PROM1: variants seen among roughly 807,000 people sequenced by gnomAD.
The protein encoded by PROM1 is prominin 1, also known as prominin-1.
Under a neutral mutation model 116.9 loss-of-function variants are expected in PROM1, and 105 were observed. That is an observed-to-expected ratio of 0.90 (90% CI 0.77 to 1.06). PROM1 has a LOEUF of 1.06. Ranked by LOEUF, PROM1 falls within the 50% of genes least tolerant of loss-of-function variation. PROM1 has a pLI of 0.00. For synonymous variants in PROM1, 393 were observed against 387.0 expected, an observed-to-expected ratio of 1.02 and a Z score of -0.18; for missense variants, 1,122 against 1,045.2, an observed-to-expected ratio of 1.07 and a Z score of -1.01.
chr4:15,985,596 T>C (rs942934508), intron 22 of PROM1, 164 bp downstream of exon 22: 36 of 648,466 alleles, frequency 5.6e-5, no homozygotes, highest in Non-Finnish European at 8.3e-5. Flanking sequence ...TCCTCTGACC[T>C]GGTGGGAAGC....
chr4:16,000,795 C>A (rs1723600433), intron 13 of PROM1, among the ~76,000 whole-genome samples, 176 bp from the exon 14 acceptor site: 1 of 151,838 alleles, frequency 6.6e-6, no homozygotes, highest in African/African-American at 2.4e-5. Flanking sequence ...AGAGGGGCAG[C>A]TCCAGGACAG....
intron 10 of PROM1, 35 bp from the exon 11 acceptor site, chr4:16,013,373 G>C: frequency 1.3e-6 from 2 of 1,501,936 alleles, no homozygotes; most frequent in Non-Finnish European, 1.9e-6. Context: ...GATGTACACA[G>C]TTAAGTCAAA....
chr4:16,025,465 C>A (rs1423698356), intron 5 of PROM1, among the ~76,000 whole-genome samples, 153 bp from the exon 6 acceptor site: 1 of 152,188 alleles, frequency 6.6e-6, no homozygotes, highest in African/African-American at 2.4e-5. Context: ...TCCTTCCCAC[C>A]GCCATCCCAC....
At position 16,040,945 on chromosome 4, in the gene PROM1, C is replaced by A. The variant is rs141993380; in HGVS notation, c.221-1944G>T. On this transcript the variant is annotated intron_variant, in intron 2 of 27. Coordinates refer to ENST00000447510, the MANE Select transcript of PROM1 (RefSeq NM_006017.3). ...AAACAAAATGAAAAACTTTGGATTTCTTCTGGGGAACTGCTTCTTCCATCC... is the reference window on the plus strand; with the variant it reads ...AAACAAAATGAAAAACTTTGGATTTATTCTGGGGAACTGCTTCTTCCATCC... Among the ~76,000 whole-genome samples, 374 of 152,146 alleles carry A rather than the reference C, an allele frequency of 2.5e-3. 2 individuals carry two copies. Among genetic ancestry groups the A allele is most frequent in the Non-Finnish European group, 2.5e-3 (173 of 68,000 alleles).
chr4:16,058,429 C>G (rs1390621541), intron 2 of PROM1, among the ~76,000 whole-genome samples: 2 of 152,116 alleles, frequency 1.3e-5, no homozygotes, highest in African/African-American at 4.8e-5. Flanking sequence ...AGGTGGATCA[C>G]CTGAGGTCAG....
At chr4:16,015,344 T>G (rs1364511814) in intron 10 of PROM1, among the ~76,000 whole-genome samples, 1 of 4,966 alleles carries the variant, frequency 2.0e-4, no homozygotes, top group African/African-American at 8.7e-4. Flanking sequence ...AGACTCCATC[T>G]CAAAAAAAAA....
chr4:16,043,979 C>T (rs59642383), intron 2 of PROM1, among the ~76,000 whole-genome samples: 176 of 152,318 alleles, frequency 1.2e-3, no homozygotes, highest in African/African-American at 4.0e-3. Context: ...ACAGCGCTGG[C>T]AGGATGTCTT....
chr4:15,979,353 G>C, intron 26 of PROM1, 42 bp downstream of exon 26: 1 of 1,613,146 alleles, frequency 6.2e-7, no homozygotes. Flanking sequence ...AGATGAGACG[G>C]TTTATCATAG....
intron 13 of PROM1, among the ~76,000 whole-genome samples, chr4:16,002,067 T>A (rs762266336): frequency 6.6e-6 from 1 of 151,790 alleles, no homozygotes; most frequent in Non-Finnish European, 1.5e-5. Context: ...TGTTTGGAAG[T>A]TTGATGATGG....
At chr4:15,974,132 C>G (rs1190093801) in intron 26 of PROM1, among the ~76,000 whole-genome samples, 2 of 151,738 alleles carry the variant, frequency 1.3e-5, no homozygotes, top group Admixed American at 1.3e-4. Flanking sequence ...CTCTCTCTCT[C>G]TCTCTCTCTC....
chr4:16,039,415 C>T (rs1429041886), intron 2 of PROM1, among the ~76,000 whole-genome samples: 1 of 152,072 alleles, frequency 6.6e-6, no homozygotes, highest in Non-Finnish European at 1.5e-5. Flanking sequence ...TAATATTTTA[C>T]AAAGGAATGG....
At chr4:15,969,907 G>A in intron 27 of PROM1, among the ~76,000 whole-genome samples, 1 of 152,068 alleles carries the variant, frequency 6.6e-6, no homozygotes. Context: ...AATACTCAAG[G>A]TACGTGGTTG....
At chr4:16,039,064 A>G in intron 2 of PROM1, 63 bp from the exon 3 acceptor site, 1 of 1,333,050 alleles carries the variant, frequency 7.5e-7, no homozygotes, top group Non-Finnish European at 9.9e-7. Context: ...ATGCATATTT[A>G]GAAAAAGATC....
chr4:16,073,635 C>A (rs776951226), intron 2 of PROM1, among the ~76,000 whole-genome samples: 8 of 136,192 alleles, frequency 5.9e-5, no homozygotes, highest in Non-Finnish European at 1.2e-4. Flanking sequence ...CTGGTCTGCC[C>A]TGGTCTACTG....
intron 2 of PROM1, among the ~76,000 whole-genome samples, chr4:16,068,119 G>A (rs539728240): frequency 6.8e-4 from 103 of 152,284 alleles, no homozygotes; most frequent in African/African-American, 2.4e-3. Context: ...GAATCCAGGT[G>A]AGGGCTGGTC....
intron 2 of PROM1, among the ~76,000 whole-genome samples, chr4:16,046,333 T>C (rs1736542633): frequency 6.6e-6 from 1 of 152,206 alleles, no homozygotes; most frequent in Non-Finnish European, 1.5e-5. Context: ...TCCCTCTGAG[T>C]CTTGTCTTCC....
chr4:15,998,317 A>C (rs1722829471), intron 15 of PROM1, 68 bp downstream of exon 15: 2 of 1,464,630 alleles, frequency 1.4e-6, no homozygotes, highest in Non-Finnish European at 1.8e-6. Flanking sequence ...AAACACTTCA[A>C]ATGCAAAATT....
chr4:16,008,281 C>A (rs988218046), intron 12 of PROM1, among the ~76,000 whole-genome samples: 2 of 152,144 alleles, frequency 1.3e-5, no homozygotes, highest in Non-Finnish European at 2.9e-5. Flanking sequence ...GCCTCCAAGT[C>A]CTTCCCTCCC....
intron 2 of PROM1, among the ~76,000 whole-genome samples, chr4:16,045,413 G>T (rs1195023623): frequency 6.6e-6 from 1 of 152,160 alleles, no homozygotes; most frequent in Non-Finnish European, 1.5e-5. Flanking sequence ...GCAGTCCCCA[G>T]ACCACACCAC....
Sources: allele counts gnomAD v4.1 joint callset (sites outside exome capture counted in the v4.1 genomes callset), GRCh38; gene constraint gnomAD v4.1.1; transcripts MANE v1.5; gene names NCBI Gene and HGNC (gene_info 2026-07-23, HGNC 2026-07-21).